The following STUM variants were observed in gnomAD, a reference collection of about 807,000 sequenced individuals.
STUM encodes protein stum homolog.
In STUM, 8 loss-of-function variants were observed where a neutral mutation model predicts 15.3. The observed-to-expected ratio is 0.52, with a 90% CI of 0.31 to 0.94. STUM has a LOEUF of 0.94. STUM is among the 40% of genes least tolerant of loss of function. The probability of loss-of-function intolerance (pLI) is 0.05; values close to 1 mark genes in which losing one functional copy is unlikely to be tolerated. For synonymous variants in STUM, 78 were observed against 88.7 expected (o/e 0.88, Z 0.68); for missense variants, 142 against 204.9 (o/e 0.69, Z 1.87).
chr1:226,587,649 G>A (rs532476946), intron 1 of STUM, among the ~76,000 whole-genome samples: 6 of 152,234 alleles, frequency 3.9e-5, no homozygotes, highest in East Asian at 3.9e-4. Flanking sequence ...TTCTGACTGG[G>A]GAGAGAACAG....
At chr1:226,581,827 C>A (rs761116496) in intron 1 of STUM, among the ~76,000 whole-genome samples, 4 of 152,230 alleles carry the variant, frequency 2.6e-5, no homozygotes, top group Non-Finnish European at 4.4e-5. Context: ...CCTGCCCTAG[C>A]CGGCTTGTGT....
intron 1 of STUM, among the ~76,000 whole-genome samples, chr1:226,587,369 C>T (rs996517614): frequency 1.8e-4 from 28 of 152,214 alleles, no homozygotes; most frequent in African/African-American, 6.7e-4. Context: ...GTGTGGCATC[C>T]AAGAAGGCTC....
intron 2 of STUM, among the ~76,000 whole-genome samples, chr1:226,598,348 C>G (rs988246571): frequency 6.6e-6 from 1 of 152,140 alleles, no homozygotes; most frequent in Non-Finnish European, 1.5e-5. Flanking sequence ...CAAGATGAGC[C>G]CCTCTTACTG....
chr1:226,583,103 T>C (rs1034173694), intron 1 of STUM, among the ~76,000 whole-genome samples: 5 of 152,220 alleles, frequency 3.3e-5, no homozygotes, highest in African/African-American at 1.2e-4. Flanking sequence ...CAGAGCTCTA[T>C]GAGTGTGGCC....
At chr1:226,580,372 G>A (rs1009435229) in intron 1 of STUM, among the ~76,000 whole-genome samples, 2 of 152,162 alleles carry the variant, frequency 1.3e-5, no homozygotes, top group Non-Finnish European at 2.9e-5. Flanking sequence ...GGCAAGGTCT[G>A]TGCTGGAGAA....
chr1:226,550,045 C>A (rs941226518), intron 1 of STUM, among the ~76,000 whole-genome samples: 1 of 152,172 alleles, frequency 6.6e-6, no homozygotes, highest in East Asian at 1.9e-4. Flanking sequence ...TGGGAGGTGC[C>A]CCCCTCTCCC....
intron 1 of STUM, among the ~76,000 whole-genome samples, chr1:226,587,384 C>T (rs536324707): frequency 7.2e-5 from 11 of 152,238 alleles, no homozygotes; most frequent in South Asian, 2.1e-4. Flanking sequence ...AGGCTCCTGT[C>T]GTCTTTCCTT....
intron 1 of STUM, among the ~76,000 whole-genome samples, chr1:226,572,857 A>G (rs1667740291): frequency 6.6e-6 from 1 of 152,192 alleles, no homozygotes; most frequent in Non-Finnish European, 1.5e-5. Flanking sequence ...GTCCTTGAGG[A>G]ACACACAGTC....
chr1:226,578,359 C>CTTTTTTTTTTTTTTTTTTTTTTT (rs34568214), intron 1 of STUM, among the ~76,000 whole-genome samples: 1 of 67,258 alleles, frequency 1.5e-5, no homozygotes. Flanking sequence ...CAACCCCCAG[C>CTTTTTTTTTTTTTTTTTTTTTTT]TTTTTTTTTT....
At chr1:226,599,030 C>T (rs745512045) in intron 2 of STUM, among the ~76,000 whole-genome samples, 4 of 152,092 alleles carry the variant, frequency 2.6e-5, no homozygotes, top group Non-Finnish European at 4.4e-5. Context: ...GAGTTTGTGC[C>T]GGGAAACTCC....
At chr1:226,599,029 C>T (rs1452640222) in intron 2 of STUM, among the ~76,000 whole-genome samples, 2 of 152,118 alleles carry the variant, frequency 1.3e-5, no homozygotes, top group East Asian at 1.9e-4. Flanking sequence ...AGAGTTTGTG[C>T]CGGGAAACTC....
chr1:226,603,043 CA>C lies in STUM; in HGVS notation c.*1006del, dbSNP rs1168285752. 2.6e-5 allele frequency: 4 copies of C among 152,316 alleles called. No individual in the cohort carries two copies. The highest frequency in any genetic ancestry group is 6.5e-5 in the Admixed American group (1 of 15,292). 9.4% of individuals were successfully genotyped at this position (152,316 alleles called of 1,614,324 possible). ...CTAGTCCCATTAACTGGGAGCTATACAAACTGTAAATAGCCTCACCTCAGTT... is the reference window on the plus strand; with the variant it reads ...CTAGTCCCATTAACTGGGAGCTATACAACTGTAAATAGCCTCACCTCAGTT... On this transcript the variant is annotated 3_prime_UTR_variant, in exon 4 of 4. Coordinates refer to ENST00000366788, the MANE Select transcript of STUM (RefSeq NM_001003665.4).
intron 3 of STUM, among the ~76,000 whole-genome samples, chr1:226,601,120 GTTT>G (rs3068290): frequency 6.7e-6 from 1 of 149,820 alleles, no homozygotes; most frequent in Non-Finnish European, 1.5e-5. Flanking sequence ...AGTAGGTATC[GTTT>G]TTTTTTTCTT....
chr1:226,580,987 T>C (rs1393479610), intron 1 of STUM, among the ~76,000 whole-genome samples: 1 of 152,190 alleles, frequency 6.6e-6, no homozygotes, highest in African/African-American at 2.4e-5. Flanking sequence ...ATCATCTTGG[T>C]GAATAGTCTT....
rs372755398 is a variant in STUM at position 226,600,639 on chromosome 1, G to A, written c.383-27G>A. ...TTCTTCTCTCTCTCCTCTTCCTCCTGCTGCCTCCCACTCTGTGCTGCTGCA... is the reference window on the plus strand; with the variant it reads ...TTCTTCTCTCTCTCCTCTTCCTCCTACTGCCTCCCACTCTGTGCTGCTGCA... On this transcript the variant is annotated intron_variant, in intron 2 of 3. Coordinates refer to ENST00000366788, the MANE Select transcript of STUM (RefSeq NM_001003665.4). This position sits in a 1 kb window ranked among gnomAD's most constrained non-coding sequence, Gnocchi z 5.2. 6.2e-6 allele frequency: 10 copies of A among 1,610,518 alleles called. No individual in the cohort carries two copies. Among genetic ancestry groups the A allele is most frequent in the Admixed American group, 1.7e-5 (1 of 60,006 alleles).
chr1:226,572,964 C>T (rs904403209), intron 1 of STUM, among the ~76,000 whole-genome samples: 1 of 152,198 alleles, frequency 6.6e-6, no homozygotes, highest in Non-Finnish European at 1.5e-5. Context: ...GAACCCAGGC[C>T]TCCTGACCCT....
intron 1 of STUM, among the ~76,000 whole-genome samples, chr1:226,554,235 C>T (rs1489846471): frequency 6.6e-6 from 1 of 152,190 alleles, no homozygotes; most frequent in East Asian, 1.9e-4. Flanking sequence ...CCAGAATAAA[C>T]AGCACATCAG....
At position 226,548,901 on chromosome 1, in the gene STUM, G is replaced by A. The variant is rs1667320004; in HGVS notation, c.-4G>A. ...TGCCCGGCTGCCTGAGAGCGCGCCCGGCCATGGAGCCCTCGCACAAAGACG... is the reference window on the plus strand; with the variant it reads ...TGCCCGGCTGCCTGAGAGCGCGCCCAGCCATGGAGCCCTCGCACAAAGACG... On this transcript the variant is annotated 5_prime_UTR_variant, in exon 1 of 4. Transcript: ENST00000366788. 7.3e-7 allele frequency: 1 copy of A among 1,370,778 alleles called. No individual in the cohort carries two copies. The allele number at this position is 1,370,778 out of a possible 1,614,324, so 84.9% of individuals were successfully genotyped here.
At chr1:226,555,254 A>G (rs1000663584) in intron 1 of STUM, among the ~76,000 whole-genome samples, 7 of 152,096 alleles carry the variant, frequency 4.6e-5, no homozygotes, top group African/African-American at 1.4e-4. Flanking sequence ...TGGGCTTTCA[A>G]TCGCATTTTT....
Sources: allele counts gnomAD v4.1 joint callset (sites outside exome capture counted in the v4.1 genomes callset), GRCh38; gene constraint gnomAD v4.1.1; non-coding constraint Gnocchi (gnomAD v3.1); transcripts MANE v1.5; gene names NCBI Gene and HGNC (gene_info 2026-07-23, HGNC 2026-07-21).